Variants in SP140 observed in about 807,000 individuals in gnomAD.
SP140 encodes nuclear body protein SP140.
A neutral mutation model predicts 125.0 loss-of-function variants in SP140; 81 were observed. The observed-to-expected ratio is 0.65, with a 90% confidence interval of 0.54 to 0.78. The LOEUF (loss-of-function observed/expected upper bound fraction) is 0.78. SP140 is among the 30% of genes least tolerant of loss of function. SP140 has a pLI of 0.00. For missense variants in SP140, 858 were observed against 1,037.0 expected, an observed-to-expected ratio of 0.83 and a Z score of 2.37; for synonymous variants, 312 against 354.0, an observed-to-expected ratio of 0.88 and a Z score of 1.33.
rs763693168 is a variant in SP140 at position 230,245,948 on chromosome 2, G to T, written c.742+8G>T. 6.5e-7 allele frequency: 1 copy of T among 1,537,794 alleles called. No homozygotes were observed. The highest frequency in any genetic ancestry group is 1.7e-5 in the Admixed American group (1 of 59,794). ...TGCCTTATGATACAGAAGGTAATTAGGATTTAAATTAAAGCTTTATTTTTC... is the reference window on the plus strand; with the variant it reads ...TGCCTTATGATACAGAAGGTAATTATGATTTAAATTAAAGCTTTATTTTTC... On this transcript the variant is annotated splice_region_variant and intron_variant, in intron 7 of 26. Coordinates refer to ENST00000392045, the MANE Select transcript of SP140 (RefSeq NM_007237.5).
intron 1 of SP140, among the ~76,000 whole-genome samples, chr2:230,209,773 T>C (rs532644065): frequency 6.6e-6 from 1 of 152,300 alleles, no homozygotes; most frequent in African/African-American, 2.4e-5. Flanking sequence ...ATAAAGGCCT[T>C]TTTGGAAGAT....
chr2:230,193,123 T>C, the SP140 span, among the ~76,000 whole-genome samples: 1 of 152,200 alleles, frequency 6.6e-6, no homozygotes, highest in Non-Finnish European at 1.5e-5. Flanking sequence ...TTGCCTTTTT[T>C]TACTGTTGTT....
chr2:230,206,337 T>C (rs2043795244), intron 1 of SP140, among the ~76,000 whole-genome samples: 1 of 151,784 alleles, frequency 6.6e-6, no homozygotes, highest in Non-Finnish European at 1.5e-5. Flanking sequence ...CTTCTCTGAA[T>C]TTATCTTAGT....
intron 3 of SP140, chr2:230,219,910 G>C (rs201569435): frequency 3.0e-6 from 3 of 985,476 alleles, no homozygotes; most frequent in African/African-American, 1.7e-5. Context: ...CCCTTTCCAG[G>C]GGCTGGGACA....
chr2:230,253,704 A>G (rs1334797828), intron 11 of SP140, among the ~76,000 whole-genome samples: 1 of 152,202 alleles, frequency 6.6e-6, no homozygotes, highest in Non-Finnish European at 1.5e-5. Context: ...TTCCTGGGTG[A>G]TGTTATTAAA....
intron 3 of SP140, among the ~76,000 whole-genome samples, chr2:230,219,100 C>A (rs1269300997): frequency 6.6e-6 from 1 of 152,148 alleles, no homozygotes; most frequent in Non-Finnish European, 1.5e-5. Flanking sequence ...TGGTGCACAT[C>A]TGTAGTCCCA....
intron 15 of SP140, among the ~76,000 whole-genome samples, chr2:230,273,260 G>A (rs1325572176): frequency 1.3e-5 from 2 of 151,898 alleles, no homozygotes; most frequent in Non-Finnish European, 2.9e-5. Flanking sequence ...AAAACAAACA[G>A]CCCCATTAAA....
At chr2:230,223,584 G>T (rs916909840), upstream of SP140, among the ~76,000 whole-genome samples, 1 of 152,206 alleles carries the variant, frequency 6.6e-6, no homozygotes, top group Non-Finnish European at 1.5e-5. Context: ...GGGCACCAGA[G>T]GTTGAATTAT....
chr2:230,241,906 A>G (rs16826911), intron 4 of SP140, among the ~76,000 whole-genome samples: 7,308 of 152,282 alleles, frequency 0.048, 505 homozygotes, highest in African/African-American at 0.16. Flanking sequence ...GGTGAGAGAT[A>G]TTCCTTACGG....
downstream of SP140, among the ~76,000 whole-genome samples, chr2:230,315,636 T>C (rs532086778): frequency 2.2e-4 from 34 of 152,232 alleles, no homozygotes; most frequent in Non-Finnish European, 1.9e-4. Flanking sequence ...ACAATGACTG[T>C]CTTAGGGAAG....
intron 12 of SP140, among the ~76,000 whole-genome samples, chr2:230,265,149 G>A (rs2052884205): frequency 6.6e-6 from 1 of 152,112 alleles, no homozygotes; most frequent in Non-Finnish European, 1.5e-5. Context: ...TGCAGCTGCT[G>A]TGGGGGATGG....
chr2:230,310,963 C>G, intron 24 of SP140, 112 bp downstream of exon 24: 1 of 741,040 alleles, frequency 1.3e-6, no homozygotes, highest in Non-Finnish European at 2.2e-6. Context: ...CCGCGCCACA[C>G]TTCAATGGCA....
At chr2:230,274,764 CT>C (rs982560208) in intron 15 of SP140, among the ~76,000 whole-genome samples, 17 of 150,842 alleles carry the variant, frequency 1.1e-4, no homozygotes, top group East Asian at 3.9e-4. Flanking sequence ...CACCTTTATG[CT>C]TTTTTTTTCT....
intron 12 of SP140, among the ~76,000 whole-genome samples, chr2:230,265,113 T>G (rs1175966051): frequency 6.6e-6 from 1 of 151,990 alleles, no homozygotes; most frequent in East Asian, 1.9e-4. Flanking sequence ...ATGTCTGAGC[T>G]AAGACTCTCG....
chr2:230,241,375 T>C (rs2048706858), intron 3 of SP140, 29 bp from the exon 4 acceptor site: 9 of 1,373,586 alleles, frequency 6.6e-6, no homozygotes, highest in Admixed American at 3.4e-5. Flanking sequence ...ACTGTCTGAG[T>C]TTGGTAATTT....
At chr2:230,234,621 T>C (rs1220098814) in intron 1 of SP140, among the ~76,000 whole-genome samples, 3 of 152,242 alleles carry the variant, frequency 2.0e-5, no homozygotes, top group Non-Finnish European at 4.4e-5. Context: ...ATCATTGCTT[T>C]AGACATTTAG....
At position 230,212,396 on chromosome 2, in the gene SP140, C is replaced by T. The variant is rs372578277; in HGVS notation, c.-322-1258C>T. ...TGGGCATCTCTTCTGAGTCTTCTTCCGCATTCATTTTGGATGTTAACTTGT... is the reference window on the plus strand; with the variant it reads ...TGGGCATCTCTTCTGAGTCTTCTTCTGCATTCATTTTGGATGTTAACTTGT... On this transcript the variant is annotated intron_variant, in intron 1 of 4. Coordinates refer to the SP140 transcript ENST00000456542. 3.0e-5 allele frequency: 48 copies of T among 1,613,338 alleles called. No homozygotes were observed. Among genetic ancestry groups the T allele is most frequent in the African/African-American group, 1.2e-4 (9 of 75,018 alleles).
chr2:230,313,775 AG>A (rs1228460205), downstream of SP140, among the ~76,000 whole-genome samples: 1 of 152,244 alleles, frequency 6.6e-6, no homozygotes, highest in Non-Finnish European at 1.5e-5. Context: ...TAGCCCCAGA[AG>A]TGCTATCACT....
At chr2:230,285,280 C>G (rs778328043) in intron 16 of SP140, among the ~76,000 whole-genome samples, 2 of 152,138 alleles carry the variant, frequency 1.3e-5, no homozygotes, top group African/African-American at 2.4e-5. Flanking sequence ...GTCTCATTTT[C>G]TAAATGATTG....
Sources: allele counts gnomAD v4.1 joint callset (sites outside exome capture counted in the v4.1 genomes callset), GRCh38; gene constraint gnomAD v4.1.1; transcripts MANE v1.5; gene names NCBI Gene and HGNC (gene_info 2026-07-23, HGNC 2026-07-21).